The following ZNF808 variants were observed in gnomAD, a reference collection of about 807,000 sequenced individuals.
ZNF808 encodes the protein zinc finger protein 808.
Under a neutral mutation model 8.7 loss-of-function variants are expected in ZNF808, and 5 were observed. The ratio of observed to expected loss-of-function variants is 0.58; its 90% confidence interval spans 0.30 to 1.21. ZNF808 has a LOEUF of 1.21. Among genes scored for constraint, ZNF808 ranks in the 50% most tolerant of loss-of-function variants. ZNF808 has a pLI of 0.07. For synonymous variants in ZNF808, 380 were observed against 366.0 expected (o/e 1.04, Z -0.44); for missense variants, 1,103 against 1,098.4 (o/e 1.00, Z -0.06).
intron 3 of ZNF808, among the ~76,000 whole-genome samples, chr19:52,547,211 GTGT>G (rs1274602541): frequency 6.6e-6 from 1 of 151,976 alleles, no homozygotes; most frequent in Non-Finnish European, 1.5e-5. Context: ...GCCTCCTGAA[GTGT>G]TGGGATTACA....
At chr19:52,558,727 C>T (rs1469001736), downstream of ZNF808, among the ~76,000 whole-genome samples, 2 of 152,178 alleles carry the variant, frequency 1.3e-5, no homozygotes, top group African/African-American at 4.8e-5. Flanking sequence ...CAGACTGTTA[C>T]TGTGTCTATG....
At chr19:52,537,587 C>T (rs767026742) in intron 2 of ZNF808, among the ~76,000 whole-genome samples, 8 of 151,318 alleles carry the variant, frequency 5.3e-5, no homozygotes, top group Admixed American at 1.3e-4. Flanking sequence ...ACTCTGTAGG[C>T]GGAGGCTGGA....
At chr19:52,533,440 G>C (rs1367327388) in intron 2 of ZNF808, among the ~76,000 whole-genome samples, 1 of 151,948 alleles carries the variant, frequency 6.6e-6, no homozygotes, top group Admixed American at 6.6e-5. Flanking sequence ...TGGCCAGGCT[G>C]GTCTTGAACT....
At chr19:52,561,208 CTCTCTATATA>C (rs1205988931), downstream of ZNF808, among the ~76,000 whole-genome samples, 740 of 32,334 alleles carry the variant, frequency 0.023, 2 homozygotes, top group East Asian at 0.034. Context: ...CTCTCTCTCT[CTCTCTATATA>C]TATATATATA....
At chr19:52,540,341 A>G (rs2059658832) in intron 2 of ZNF808, among the ~76,000 whole-genome samples, 1 of 152,130 alleles carries the variant, frequency 6.6e-6, no homozygotes, top group Non-Finnish European at 1.5e-5. Flanking sequence ...ATATTTTCAA[A>G]TATTTCTCCT....
downstream of ZNF808, among the ~76,000 whole-genome samples, chr19:52,557,387 A>C (rs1303672708): frequency 1.3e-5 from 2 of 151,628 alleles, no homozygotes; most frequent in Non-Finnish European, 2.9e-5. Context: ...CTGCCTCAGC[A>C]TACCGAGTAG....
In ZNF808 at chr19:52,554,203, T is replaced by C. The variant is rs760264157; in HGVS notation, c.1287T>C (p.Cys429=). ...ATACTGGAGAGAAACCTTACAAATG[T>C]GAAGAATGTGACAAAGTTTTCAGTC... ...ILHTGEKPYK[C]EECDKVFSQK... The change falls in exon 5 of 5, where the codon TGT becomes TGC. Residue 429 remains cysteine (C), a synonymous_variant. Transcript: ENST00000359798. 1 of 1,613,670 alleles carries C rather than the reference T, an allele frequency of 6.2e-7. No individual in the cohort carries two copies. The highest frequency in any genetic ancestry group is 2.2e-5 in the East Asian group (1 of 44,874).
At chr19:52,550,044 G>A (rs1456114232) in intron 4 of ZNF808, among the ~76,000 whole-genome samples, 1 of 152,102 alleles carries the variant, frequency 6.6e-6, no homozygotes, top group Non-Finnish European at 1.5e-5. Context: ...TGTATTTTCT[G>A]GTCTGGTCAT....
chr19:52,555,329 T>G lies in ZNF808; in HGVS notation c.2413T>G (p.Tyr805Asp). 6.2e-7 allele frequency: 1 copy of G among 1,614,158 alleles called. No homozygotes were observed. Among genetic ancestry groups the G allele is most frequent in the Non-Finnish European group, 8.5e-7 (1 of 1,180,028 alleles). ...VCDKAFVRNS[Y>D]LARHIRIHTA... ...TGACAAGGCTTTCGTGCGTAATTCA[T>G]ACCTGGCAAGACATATTAGAATTCA... The change falls in exon 5 of 5, where the codon TAC becomes GAC. Residue 805 changes from tyrosine to aspartate, a missense_variant. Tyr to Asp is a radical substitution (Grantham distance 160). Coordinates refer to ENST00000359798, the MANE Select transcript of ZNF808 (RefSeq NM_001039886.4).
rs200907774 is a variant in ZNF808, at chr19:52,554,157, T to A, written c.1241T>A (p.Leu414His). Residue 414 changes from leucine (L) to histidine (H), a missense_variant, in exon 5 of 5, where the codon CTT becomes CAT. Physicochemically the swap from Leu to His is moderately conservative, Grantham distance 99. Coordinates refer to ENST00000359798, the MANE Select transcript of ZNF808 (RefSeq NM_001039886.4). The part of the protein sequence containing the change: ...CGKAFNHQSS[L>H]ARHHILHTGE... ...AAGGCTTTTAATCATCAATCAAGCC[T>A]TGCACGTCATCATATACTTCATACT... The A allele has an allele frequency of 1.2e-6, 2 of 1,614,138 alleles. No homozygotes were observed. Among genetic ancestry groups the A allele is most frequent in the South Asian group, 2.2e-5 (2 of 91,074 alleles).
chr19:52,528,949 G>T (rs181141115), intron 1 of ZNF808, among the ~76,000 whole-genome samples: 55 of 151,318 alleles, frequency 3.6e-4, no homozygotes, highest in Middle Eastern at 3.4e-3. Context: ...GAAGAAGGGG[G>T]ATAAACAGCA....
At chr19:52,566,202 G>C (rs1033808106), downstream of ZNF808, among the ~76,000 whole-genome samples, 39 of 151,876 alleles carry the variant, frequency 2.6e-4, no homozygotes, top group African/African-American at 9.0e-4. Context: ...TTTCAATCTT[G>C]TTGCCCAGGC....
downstream of ZNF808, among the ~76,000 whole-genome samples, chr19:52,567,059 C>G (rs530125229): frequency 3.3e-5 from 5 of 151,360 alleles, no homozygotes; most frequent in Non-Finnish European, 5.9e-5. Flanking sequence ...TCAAGCGATT[C>G]TCCTGCCTCA....
intron 2 of ZNF808, among the ~76,000 whole-genome samples, chr19:52,542,356 C>T (rs967498934): frequency 6.6e-6 from 1 of 152,186 alleles, no homozygotes; most frequent in Non-Finnish European, 1.5e-5. Context: ...CTCTCTTCCA[C>T]TGCTCCAGCC....
Position 52,554,043 on chromosome 19 carries a change from G to T in ZNF808, c.1127G>T (p.Cys376Phe). ...GTGAAACCTTACAAATGTAAGATTT[G>T]TGAGAAGGCTTTTGCGTGTCATTCC... Reference protein sequence around the residue: ...TGVKPYKCKICEKAFACHSYL... With the variant: ...TGVKPYKCKIFEKAFACHSYL... Residue 376 changes from cysteine (C) to phenylalanine (F), a missense_variant, in exon 5 of 5, where the codon TGT becomes TTT. Cys to Phe is a radical substitution (Grantham distance 205). Coordinates refer to ENST00000359798, the MANE Select transcript of ZNF808 (RefSeq NM_001039886.4). 1 of 1,614,072 alleles carries T rather than the reference G, an allele frequency of 6.2e-7. No homozygotes were observed. The highest frequency in any genetic ancestry group is 8.5e-7 in the Non-Finnish European group (1 of 1,179,992).
chr19:52,546,477 G>C (rs2059721336), intron 3 of ZNF808, among the ~76,000 whole-genome samples: 1 of 151,878 alleles, frequency 6.6e-6, no homozygotes, highest in Non-Finnish European at 1.5e-5. Flanking sequence ...GAGCCACTGT[G>C]CCTGACCGAT....
intron 1 of ZNF808, among the ~76,000 whole-genome samples, chr19:52,529,541 T>A (rs2059541619): frequency 6.6e-6 from 1 of 152,122 alleles, no homozygotes; most frequent in Non-Finnish European, 1.5e-5. Context: ...CTATAAAACA[T>A]GTACATTCTA....
chr19:52,542,113 G>C (rs1241226682), intron 2 of ZNF808, among the ~76,000 whole-genome samples: 2 of 149,144 alleles, frequency 1.3e-5, no homozygotes, highest in Admixed American at 1.3e-4. Flanking sequence ...TTTTTTTTGA[G>C]ACGAATTTTC....
downstream of ZNF808, among the ~76,000 whole-genome samples, chr19:52,561,208 C>CTATA (rs2059856742): frequency 6.1e-5 from 2 of 32,714 alleles, no homozygotes; most frequent in African/African-American, 1.1e-4. Flanking sequence ...CTCTCTCTCT[C>CTATA]TCTCTATATA....
Sources: gnomAD v4.1 joint callset for allele counts (sites outside exome capture counted in the v4.1 genomes callset) on GRCh38, gnomAD v4.1.1 for gene constraint, MANE v1.5 for transcripts, NCBI Gene and HGNC (gene_info 2026-07-23, HGNC 2026-07-21) for gene names.